Variants in ADAM32 observed in about 807,000 individuals in gnomAD.
The protein encoded by ADAM32 is disintegrin and metalloproteinase domain-containing protein 32.
A neutral mutation model predicts 114.9 loss-of-function variants in ADAM32; 89 were observed. The observed-to-expected ratio is 0.77, with a 90% CI of 0.65 to 0.92. The LOEUF (loss-of-function observed/expected upper bound fraction) is 0.92, where lower values mean the gene tolerates loss of function less well. Ranked by LOEUF, ADAM32 falls within the 40% of genes least tolerant of loss-of-function variation. The pLI is 0.00. For synonymous variants in ADAM32, 285 were observed against 307.5 expected, an observed-to-expected ratio of 0.93 and a Z score of 0.77; for missense variants, 870 against 932.8, an observed-to-expected ratio of 0.93 and a Z score of 0.88.
intron 19 of ADAM32, among the ~76,000 whole-genome samples, chr8:39,264,155 C>A (rs1812212141): frequency 6.6e-6 from 1 of 152,028 alleles, no homozygotes; most frequent in African/African-American, 2.4e-5. Context: ...GGTACATGTT[C>A]ATGTTTGTTA....
rs1269196231 is a variant in ADAM32, at chr8:39,260,415, C to T, written c.2162+3072C>T. Among the ~76,000 whole-genome samples the T allele has an allele frequency of 2.0e-5, 3 of 152,060 alleles. No individual in the cohort carries two copies. The East Asian group carries it at 5.8e-4, about 29-fold the overall frequency. The stretch of plus-strand genomic sequence containing the variant: ...TTTTATTCTTGATCTTAGGCCAAAA[C>T]TTTTATTGATAGCTTTTCACTGTTA... On this transcript the variant is annotated intron_variant, in intron 19 of 24. Coordinates refer to ENST00000379907, the MANE Select transcript of ADAM32 (RefSeq NM_145004.7).
At chr8:39,219,544 T>C (rs1401503270) in intron 12 of ADAM32, among the ~76,000 whole-genome samples, 1 of 152,162 alleles carries the variant, frequency 6.6e-6, no homozygotes, top group African/African-American at 2.4e-5. Flanking sequence ...CAGGGCAACA[T>C]TGAATTCAAT....
chr8:39,118,501 G>A (rs1840467618), intron 2 of ADAM32, among the ~76,000 whole-genome samples: 1 of 151,996 alleles, frequency 6.6e-6, no homozygotes, highest in African/African-American at 2.4e-5. Context: ...TTTAACTAAA[G>A]CCTGTTTCTC....
intron 10 of ADAM32, among the ~76,000 whole-genome samples, chr8:39,180,643 A>G (rs1805809806): frequency 6.6e-6 from 1 of 152,188 alleles, no homozygotes; most frequent in Non-Finnish European, 1.5e-5. Context: ...GGGATTGTAA[A>G]TACACCAATT....
At chr8:39,191,584 A>G (rs992718032) in intron 11 of ADAM32, among the ~76,000 whole-genome samples, 3 of 146,546 alleles carry the variant, frequency 2.0e-5, no homozygotes, top group African/African-American at 7.4e-5. Context: ...TCCTTTGCCC[A>G]CTTTTTAATA....
At chr8:39,257,054 C>T in intron 18 of ADAM32, 133 bp from the exon 19 acceptor site, 1 of 982,174 alleles carries the variant, frequency 1.0e-6, no homozygotes, top group Non-Finnish European at 1.4e-6. Context: ...GATTACAATT[C>T]TATAATGATT....
intron 2 of ADAM32, among the ~76,000 whole-genome samples, chr8:39,121,768 C>A (rs1400085672): frequency 1.3e-5 from 2 of 152,066 alleles, no homozygotes; most frequent in African/African-American, 4.8e-5. Flanking sequence ...ACCCCAGGAA[C>A]AAGGCTGTCA....
At chr8:39,150,497 A>G (rs1046806135) in intron 5 of ADAM32, among the ~76,000 whole-genome samples, 2 of 152,164 alleles carry the variant, frequency 1.3e-5, no homozygotes, top group African/African-American at 2.4e-5. Context: ...AAAAACAAAT[A>G]ATTTTTAATA....
At chr8:39,214,931 T>C (rs1459386797) in intron 12 of ADAM32, among the ~76,000 whole-genome samples, 1 of 152,128 alleles carries the variant, frequency 6.6e-6, no homozygotes, top group Non-Finnish European at 1.5e-5. Flanking sequence ...CTCAGCATCA[T>C]TTATTGAAGA....
At chr8:39,229,674 A>G (rs554902682) in intron 14 of ADAM32, among the ~76,000 whole-genome samples, 2 of 152,218 alleles carry the variant, frequency 1.3e-5, no homozygotes, top group Non-Finnish European at 1.5e-5. Flanking sequence ...ATATGCACCT[A>G]TCACTGGAGT....
chr8:39,164,589 T>C (rs971641287), intron 7 of ADAM32, among the ~76,000 whole-genome samples, 175 bp from the exon 8 acceptor site: 8 of 152,226 alleles, frequency 5.3e-5, no homozygotes, highest in Admixed American at 2.6e-4. Flanking sequence ...CATTTTACAT[T>C]CCCATCAGCA....
rs1444209145 is a variant in ADAM32 at position 39,136,705 on chromosome 8, CACCTTAA to C, written c.190_196del (p.Leu64LysfsTer5). 1 of 1,526,422 alleles carries C rather than the reference CACCTTAA, an allele frequency of 6.6e-7. No individual in the cohort carries two copies. The highest frequency in any genetic ancestry group is 2.4e-5 in the East Asian group (1 of 42,464). 94.6% of individuals were successfully genotyped at this position (1,526,422 alleles called of 1,614,324 possible). On this transcript the variant is annotated frameshift_variant, in exon 3 of 25. Transcript: ENST00000379907. LOFTEE classifies it high-confidence loss of function. ...AATAGATGAGAAACTGTACACTGTG[CACCTTAA>C]ACAAAGGTAAATTTTTATTCTTTAG... is the stretch of plus-strand genomic sequence containing the variant.
intron 19 of ADAM32, among the ~76,000 whole-genome samples, chr8:39,262,979 A>T (rs1030202340): frequency 6.6e-6 from 1 of 151,962 alleles, no homozygotes; most frequent in Non-Finnish European, 1.5e-5. Context: ...AAGTGCTGGG[A>T]TTATGTGTGA....
chr8:39,109,570 T>A (rs1001607576), intron 1 of ADAM32, among the ~76,000 whole-genome samples: 1 of 151,634 alleles, frequency 6.6e-6, no homozygotes, highest in Non-Finnish European at 1.5e-5. Context: ...AAAAAAAAAA[T>A]ATTAATGAAC....
At chr8:39,157,604 G>A in intron 6 of ADAM32, 1 of 559,432 alleles carries the variant, frequency 1.8e-6, no homozygotes, top group South Asian at 1.5e-5. Flanking sequence ...CTTCTCCATG[G>A]TTTGGAAGCG....
intron 12 of ADAM32, among the ~76,000 whole-genome samples, chr8:39,213,595 C>G (rs1023535079): frequency 2.0e-5 from 3 of 152,110 alleles, no homozygotes; most frequent in Non-Finnish European, 4.4e-5. Context: ...TATTTTGATA[C>G]AGGCATGCTA....
At chr8:39,141,047 C>A (rs1306947617) in intron 3 of ADAM32, among the ~76,000 whole-genome samples, 3 of 152,140 alleles carry the variant, frequency 2.0e-5, no homozygotes, top group African/African-American at 7.2e-5. Context: ...TCCCCTTTAT[C>A]ATTTTTTATT....
At chr8:39,175,046 A>G (rs1344716249) in intron 10 of ADAM32, among the ~76,000 whole-genome samples, 1 of 152,164 alleles carries the variant, frequency 6.6e-6, no homozygotes, top group East Asian at 1.9e-4. Context: ...ATCCTGAGAC[A>G]TTGCTGAAGT....
chr8:39,238,782 T>C (rs1348928859), intron 16 of ADAM32, among the ~76,000 whole-genome samples: 1 of 151,862 alleles, frequency 6.6e-6, no homozygotes, highest in Non-Finnish European at 1.5e-5. Flanking sequence ...CAAAATACAC[T>C]GGAAAGTTTC....
Sources: gnomAD v4.1 joint callset for allele counts (sites outside exome capture counted in the v4.1 genomes callset) on GRCh38, gnomAD v4.1.1 for gene constraint, MANE v1.5 for transcripts, NCBI Gene and HGNC (gene_info 2026-07-23, HGNC 2026-07-21) for gene names.